Variants in PCSK1 observed in about 807,000 individuals in gnomAD.
The protein encoded by PCSK1 is neuroendocrine convertase 1.
Under a neutral mutation model 90.6 loss-of-function variants are expected in PCSK1, and 56 were observed. The observed-to-expected ratio is 0.62, with a 90% confidence interval of 0.50 to 0.77. PCSK1 has a LOEUF of 0.77. Among genes scored for constraint, PCSK1 ranks in the 30% least tolerant of loss-of-function variants. The pLI is 0.00. For missense variants in PCSK1, 801 were observed against 932.6 expected, an observed-to-expected ratio of 0.86 and a Z score of 1.84; for synonymous variants, 348 against 342.4, an observed-to-expected ratio of 1.02 and a Z score of -0.18.
intron 12 of PCSK1, among the ~76,000 whole-genome samples, chr5:96,396,493 A>G (rs1580744090): frequency 6.6e-6 from 1 of 151,556 alleles, no homozygotes; most frequent in Non-Finnish European, 1.5e-5. Context: ...CCCAGGAGGC[A>G]GAGGTTGCAG....
chr5:96,429,538 T>C (rs780545105), intron 1 of PCSK1, among the ~76,000 whole-genome samples: 3 of 152,168 alleles, frequency 2.0e-5, no homozygotes, highest in Non-Finnish European at 4.4e-5. Context: ...TTTGTACAGA[T>C]TATTTCATCA....
intron 11 of PCSK1, among the ~76,000 whole-genome samples, chr5:96,398,208 A>C (rs1760230300): frequency 1.3e-5 from 2 of 152,232 alleles, no homozygotes; most frequent in Admixed American, 1.3e-4. Context: ...ATTAATATTC[A>C]GGAGGAAGAT....
At chr5:96,395,158 A>G in intron 12 of PCSK1, 133 bp from the exon 13 acceptor site, 1 of 764,822 alleles carries the variant, frequency 1.3e-6, no homozygotes, top group South Asian at 1.5e-5. Flanking sequence ...GAAAGAAACC[A>G]TTGGATCCAC....
chr5:96,419,414 C>CCTCTCT (rs763565418), intron 5 of PCSK1, among the ~76,000 whole-genome samples: 1 of 129,126 alleles, frequency 7.7e-6, no homozygotes, highest in African/African-American at 3.1e-5. Flanking sequence ...TCACTTAATA[C>CCTCTCT]CTCTCTCTCT....
Position 96,391,745 on chromosome 5 carries a change from T to G in PCSK1, c.*1256A>C, listed in dbSNP as rs1160719889. The G allele has an allele frequency of 1.3e-5, 2 of 152,234 alleles. No individual in the cohort carries two copies. Among genetic ancestry groups the G allele is most frequent in the Non-Finnish European group, 2.9e-5 (2 of 68,036 alleles). The allele number at this position is 152,234 out of a possible 1,614,324, so 9.4% of individuals were successfully genotyped here. On this transcript the variant is annotated 3_prime_UTR_variant, in exon 14 of 14. Transcript: ENST00000311106. ...CAGCTGCTACTCAGCTCCAGCTAAC[T>G]GTTGCCATGAGCAAAGATGGGTCCG...
chr5:96,417,614 A>T (rs1444472078), intron 5 of PCSK1, among the ~76,000 whole-genome samples: 1 of 152,050 alleles, frequency 6.6e-6, no homozygotes, highest in Non-Finnish European at 1.5e-5. Flanking sequence ...AGCACTAGAG[A>T]TGGAAACAGA....
chr5:96,430,315 A>T (rs1023339106), intron 1 of PCSK1, among the ~76,000 whole-genome samples: 1 of 152,224 alleles, frequency 6.6e-6, no homozygotes, highest in African/African-American at 2.4e-5. Flanking sequence ...CTGCATTTTT[A>T]AAATTAAGAA....
In PCSK1 at chr5:96,397,443, T is replaced by A; in HGVS notation, c.1615A>T (p.Arg539Ter). Residue 539 changes from arginine (R) to a stop codon, truncating the protein, a stop_gained, in exon 12 of 14, where the codon AGA (arginine) becomes TGA (stop). Transcript: ENST00000311106. LOFTEE classifies it high-confidence loss of function. ...AGTSTVLLAE[R>*]ERDTSPNGFK... is the part of the protein sequence containing the mutation. Reference sequence around the variant, plus strand: ...CCATTAGGAGATGTATCCCGTTCTCTTTCAGCCAAGAGCACAGTGCTAGTT... The same window carrying A: ...CCATTAGGAGATGTATCCCGTTCTCATTCAGCCAAGAGCACAGTGCTAGTT... 6.2e-7 allele frequency: 1 copy of A among 1,613,382 alleles called. No individual in the cohort carries two copies. Among genetic ancestry groups the A allele is most frequent in the Non-Finnish European group, 8.5e-7 (1 of 1,179,326 alleles).
chr5:96,393,380 T>G lies in PCSK1; in HGVS notation c.1885-2A>C. 6.2e-7 allele frequency: 1 copy of G among 1,613,630 alleles called. No homozygotes were observed. Among genetic ancestry groups the G allele is most frequent in the Non-Finnish European group, 8.5e-7 (1 of 1,179,890 alleles). On this transcript the variant is annotated splice_acceptor_variant, in intron 13 of 13. Transcript: ENST00000311106. LOFTEE classifies it high-confidence loss of function. ...AGGGTTCTCTTGTGTGGGCTGCTCC[T>G]AAAACATAGAATGCCATCCACAAAG...
chr5:96,432,106 T>C lies in PCSK1; in HGVS notation c.180+757A>G, dbSNP rs144071994. ...ACTTGGCTGAAGAACAAGAAAGAAA[T>C]AGATCCCTTCCCCATAGTCAGTTCG... is the stretch of plus-strand genomic sequence containing the variant. On this transcript the variant is annotated intron_variant, in intron 1 of 13. Transcript: ENST00000311106. 114 of 1,535,264 alleles carry C rather than the reference T, an allele frequency of 7.4e-5. No individual in the cohort carries two copies. The East Asian group carries it at 1.8e-3, about 24-fold the overall frequency.
intron 1 of PCSK1, among the ~76,000 whole-genome samples, chr5:96,430,466 A>T (rs896318157): frequency 2.6e-5 from 4 of 152,162 alleles, no homozygotes; most frequent in African/African-American, 9.7e-5. Context: ...TAAGCTGTGG[A>T]TGGAACTGGG....
rs191568835 is a variant in PCSK1 at position 96,392,854 on chromosome 5, T to A, written c.*147A>T. On this transcript the variant is annotated 3_prime_UTR_variant, in exon 14 of 14. Transcript: ENST00000311106. The stretch of plus-strand genomic sequence containing the variant: ...CCTGCTTGAGCTCATCCCCTTCACA[T>A]GTACAGTTTAGGGAGAAAAAGAAAA... The A allele has an allele frequency of 1.5e-4, 116 of 785,928 alleles. No homozygotes were observed. Among genetic ancestry groups the A allele is most frequent in the Non-Finnish European group, 1.9e-4 (89 of 465,898 alleles). 48.7% of individuals were successfully genotyped at this position (785,928 alleles called of 1,614,324 possible).
In PCSK1 at chr5:96,410,840, G is replaced by A. The variant is rs145132329; in HGVS notation, c.1029C>T (p.Tyr343=). ...SASQQGLSPW[Y]AEKCSSTLAT... ...CCAGTGTGGAGGAGCACTTCTCAGC[G>A]TACCAGGGGGATAGGCCTTGCTGGG... Residue 343 remains tyrosine (Y), a synonymous_variant, in exon 8 of 14, where the codon TAC becomes TAT. Coordinates refer to ENST00000311106, the MANE Select transcript of PCSK1 (RefSeq NM_000439.5). 41 of 1,613,988 alleles carry A rather than the reference G, an allele frequency of 2.5e-5. No homozygotes were observed. Among genetic ancestry groups the A allele is most frequent in the South Asian group, 7.7e-5 (7 of 91,086 alleles).
chr5:96,409,469 G>A (rs543127333), intron 8 of PCSK1, among the ~76,000 whole-genome samples: 1 of 152,282 alleles, frequency 6.6e-6, no homozygotes, highest in Admixed American at 6.5e-5. Flanking sequence ...GTAAGAAAAA[G>A]GTTATGTTAC....
At chr5:96,425,051 A>G (rs975168709) in intron 3 of PCSK1, among the ~76,000 whole-genome samples, 2 of 145,244 alleles carry the variant, frequency 1.4e-5, no homozygotes, top group African/African-American at 5.5e-5. Flanking sequence ...AAAGAAAGAA[A>G]GAAAGAAAGA....
intron 6 of PCSK1, among the ~76,000 whole-genome samples, chr5:96,414,403 G>A (rs1344351287): frequency 6.9e-6 from 1 of 145,124 alleles, no homozygotes; most frequent in Non-Finnish European, 1.5e-5. Flanking sequence ...GGAAGGGATA[G>A]TGACTTGCTC....
intron 3 of PCSK1, among the ~76,000 whole-genome samples, chr5:96,424,909 G>T (rs1384739255): frequency 1.3e-5 from 2 of 150,764 alleles, no homozygotes; most frequent in Non-Finnish European, 2.9e-5. Flanking sequence ...ATTGCAGTGA[G>T]CTGAGATCAT....
At chr5:96,427,701 T>C (rs1364435927) in intron 2 of PCSK1, among the ~76,000 whole-genome samples, 2 of 152,210 alleles carry the variant, frequency 1.3e-5, no homozygotes, top group African/African-American at 2.4e-5. Flanking sequence ...TGCTCTATTC[T>C]GTCCAATTTT....
intron 8 of PCSK1, 40 bp from the exon 9 acceptor site, chr5:96,408,363 C>T (rs377130613): frequency 1.0e-5 from 15 of 1,446,136 alleles, no homozygotes; most frequent in Middle Eastern, 1.7e-4. Context: ...AGGGAGAACA[C>T]GTGAGGAGTG....
Sources: gnomAD v4.1 joint callset for allele counts (sites outside exome capture counted in the v4.1 genomes callset) on GRCh38, gnomAD v4.1.1 for gene constraint, MANE v1.5 for transcripts, NCBI Gene and HGNC (gene_info 2026-07-23, HGNC 2026-07-21) for gene names.